The following TBC1D5 variants were observed in gnomAD, a reference collection of about 807,000 sequenced individuals.
TBC1D5 encodes TBC1 domain family, member 5.
Under a neutral mutation model 100.3 loss-of-function variants are expected in TBC1D5, and 75 were observed. The observed-to-expected ratio is 0.75, with a 90% CI of 0.62 to 0.91. The LOEUF is 0.91. TBC1D5 is among the 40% of genes least tolerant of loss of function. TBC1D5 has a pLI of 0.00. For synonymous variants in TBC1D5, 323 were observed against 325.6 expected (o/e 0.99, Z 0.09); for missense variants, 910 against 942.4 (o/e 0.97, Z 0.45).
intron 1 of TBC1D5, among the ~76,000 whole-genome samples, chr3:17,634,922 A>G (rs996365647): frequency 6.6e-6 from 1 of 152,352 alleles, no homozygotes; most frequent in Admixed American, 6.5e-5. Flanking sequence ...TTAAACACAA[A>G]AATTAAGTAA....
At chr3:17,484,316 GC>G (rs1469796478) in intron 3 of TBC1D5, among the ~76,000 whole-genome samples, 1 of 152,134 alleles carries the variant, frequency 6.6e-6, no homozygotes, top group African/African-American at 2.4e-5. Flanking sequence ...ACTATGGTGT[GC>G]ATAGAACTAA....
At chr3:17,689,817 T>C (rs573769351) in intron 1 of TBC1D5, among the ~76,000 whole-genome samples, 2 of 152,102 alleles carry the variant, frequency 1.3e-5, no homozygotes, top group South Asian at 2.1e-4. Flanking sequence ...ATCTGGTGAG[T>C]AGTGGCCAGG....
intron 4 of TBC1D5, 89 bp from the exon 5 acceptor site, chr3:17,406,615 G>T: frequency 1.6e-6 from 2 of 1,256,974 alleles, no homozygotes; most frequent in Non-Finnish European, 2.2e-6. Context: ...TTTTAAGTAA[G>T]TCTAAAAAAT....
intron 2 of TBC1D5, among the ~76,000 whole-genome samples, chr3:17,511,627 C>T (rs1200250408): frequency 6.6e-6 from 1 of 151,944 alleles, no homozygotes. Context: ...GCTAAAAATA[C>T]TTAAGGTCTT....
At chr3:17,158,979 C>A (rs1575655156) in exon 22 of TBC1D5, 1 of 152,292 alleles carries the variant, frequency 6.6e-6, no homozygotes, top group Admixed American at 6.5e-5. Context: ...CCAATGGCAA[C>A]CCTGCACAGT....
intron 3 of TBC1D5, among the ~76,000 whole-genome samples, chr3:17,459,738 GAAA>G (rs538273400): frequency 7.5e-6 from 1 of 133,144 alleles, no homozygotes; most frequent in African/African-American, 2.8e-5. Flanking sequence ...TCTCTTAAAG[GAAA>G]AAAAAAAAAA....
At chr3:17,330,878 C>A (rs1478270710) in intron 13 of TBC1D5, among the ~76,000 whole-genome samples, 1 of 152,192 alleles carries the variant, frequency 6.6e-6, no homozygotes, top group African/African-American at 2.4e-5. Context: ...TCTGAATCTA[C>A]TGCTCAACTC....
At chr3:17,217,470 C>T (rs1207541915) in intron 17 of TBC1D5, among the ~76,000 whole-genome samples, 2 of 152,124 alleles carry the variant, frequency 1.3e-5, no homozygotes, top group African/African-American at 4.8e-5. Flanking sequence ...AAAGTGACTA[C>T]ACCATTTTAC....
intron 1 of TBC1D5, among the ~76,000 whole-genome samples, chr3:17,730,602 C>T (rs1224603033): frequency 6.6e-6 from 1 of 152,144 alleles, no homozygotes; most frequent in Non-Finnish European, 1.5e-5. Flanking sequence ...TGAGCTGACA[C>T]CAGATGAAAC....
At chr3:17,664,606 G>A (rs572916315) in intron 1 of TBC1D5, among the ~76,000 whole-genome samples, 29 of 152,244 alleles carry the variant, frequency 1.9e-4, no homozygotes, top group Middle Eastern at 3.4e-3. Flanking sequence ...GAGGCAGAGC[G>A]AGACGAAGAG....
At chr3:17,169,569 G>T (rs1290188750) in intron 19 of TBC1D5, among the ~76,000 whole-genome samples, 1 of 152,180 alleles carries the variant, frequency 6.6e-6, no homozygotes, top group Non-Finnish European at 1.5e-5. Flanking sequence ...TTGGCTATTA[G>T]AATGGCCTGC....
chr3:17,616,274 C>G (rs1228578173), intron 2 of TBC1D5, among the ~76,000 whole-genome samples: 1 of 152,138 alleles, frequency 6.6e-6, no homozygotes, highest in Non-Finnish European at 1.5e-5. Context: ...GATTTATGTT[C>G]TTTTACATTT....
intron 2 of TBC1D5, among the ~76,000 whole-genome samples, chr3:17,539,787 T>A (rs1335994100): frequency 6.6e-6 from 1 of 152,244 alleles, no homozygotes; most frequent in Non-Finnish European, 1.5e-5. Context: ...TTGTGAATAA[T>A]GCTGGTATGA....
intron 3 of TBC1D5, among the ~76,000 whole-genome samples, chr3:17,497,078 T>C (rs7618531): frequency 0.076 from 9,992 of 131,676 alleles, 692 homozygotes; most frequent in African/African-American, 0.21. Context: ...TTTCTTTCTC[T>C]CTCTCTCTGA....
At chr3:17,637,026 AT>A (rs200983087) in intron 1 of TBC1D5, among the ~76,000 whole-genome samples, 8,096 of 143,338 alleles carry the variant, frequency 0.056, 297 homozygotes, top group African/African-American at 0.11. Context: ...ATCATTTATT[AT>A]TTTTTTTTTT....
intron 19 of TBC1D5, among the ~76,000 whole-genome samples, chr3:17,171,227 C>T (rs998801025): frequency 6.6e-6 from 1 of 152,090 alleles, no homozygotes; most frequent in African/African-American, 2.4e-5. Flanking sequence ...CTAGAGCACG[C>T]CATGGAGCCA....
rs2093721485 is a variant in TBC1D5 at position 17,404,570 on chromosome 3, T to C, written c.441+124A>G. ...ATTTCTACCAGGTTTTAGGTGGTAC[T>C]GTATGTGGAATAAAGAAAACAGTTA... is the stretch of plus-strand genomic sequence containing the variant. On this transcript the variant is annotated intron_variant, in intron 7 of 21. Transcript: ENST00000253692. 4 of 799,286 alleles carry C rather than the reference T, an allele frequency of 5.0e-6. No homozygotes were observed. In the South Asian group the frequency reaches 5.8e-5, roughly 12 times the overall value. 49.5% of individuals were successfully genotyped at this position (799,286 alleles called of 1,614,324 possible).
At chr3:17,162,786 A>T (rs1212376167) in intron 21 of TBC1D5, among the ~76,000 whole-genome samples, 1 of 152,222 alleles carries the variant, frequency 6.6e-6, no homozygotes, top group Admixed American at 6.5e-5. Context: ...ACCTGGTCAG[A>T]GCCATGCTGC....
chr3:17,574,137 T>G (rs952086013), intron 2 of TBC1D5, among the ~76,000 whole-genome samples: 1 of 152,054 alleles, frequency 6.6e-6, no homozygotes, highest in African/African-American at 2.4e-5. Context: ...CCCAGAACTT[T>G]GCTGGGAATC....
Sources: gnomAD v4.1 joint callset for allele counts (sites outside exome capture counted in the v4.1 genomes callset) on GRCh38, gnomAD v4.1.1 for gene constraint, MANE v1.5 for transcripts, NCBI Gene and HGNC (gene_info 2026-07-23, HGNC 2026-07-21) for gene names.